The following SGCZ variants were observed in gnomAD, a reference collection of about 807,000 sequenced individuals.
The protein encoded by SGCZ is sarcoglycan zeta.
SGCZ carries 40 observed loss-of-function variants against 41.3 expected under a neutral mutation model. The observed-to-expected ratio is 0.97, with a 90% CI of 0.75 to 1.26. SGCZ has a LOEUF of 1.26. Among genes scored for constraint, SGCZ ranks in the 50% most tolerant of loss-of-function variants. The pLI, the probability that SGCZ is intolerant of heterozygous loss-of-function variation, is 0.00. For missense variants in SGCZ, 552 were observed against 369.8 expected (o/e 1.49, Z -4.04); for synonymous variants, 206 against 137.5 (o/e 1.50, Z -3.49).
chr8:15,219,067 G>A (rs1208286943), intron 1 of SGCZ, among the ~76,000 whole-genome samples: 2 of 152,126 alleles, frequency 1.3e-5, no homozygotes, highest in Non-Finnish European at 2.9e-5. Context: ...CCACGATTAG[G>A]AAGATAAAGA....
chr8:14,643,851 C>T (rs571875985), intron 1 of SGCZ, among the ~76,000 whole-genome samples: 6 of 151,582 alleles, frequency 4.0e-5, no homozygotes, highest in Non-Finnish European at 8.9e-5. Flanking sequence ...CACAGCTTAA[C>T]GTGCTGAATA....
At chr8:14,512,049 C>T (rs937473422) in intron 2 of SGCZ, among the ~76,000 whole-genome samples, 3 of 152,118 alleles carry the variant, frequency 2.0e-5, no homozygotes, top group African/African-American at 7.2e-5. Context: ...ATTTTCTAGA[C>T]TATCAAATAT....
intron 1 of SGCZ, among the ~76,000 whole-genome samples, chr8:14,654,224 A>T (rs923631892): frequency 1.3e-5 from 2 of 148,912 alleles, no homozygotes; most frequent in Middle Eastern, 3.5e-3. Context: ...GACAAATTAT[A>T]CAGAGAAATT....
At chr8:14,900,068 T>G (rs1298098583) in intron 1 of SGCZ, among the ~76,000 whole-genome samples, 1 of 152,106 alleles carries the variant, frequency 6.6e-6, no homozygotes, top group East Asian at 1.9e-4. Context: ...GGATATTTTA[T>G]AAATATAATA....
At chr8:15,027,288 G>A (rs1199022704) in intron 1 of SGCZ, among the ~76,000 whole-genome samples, 2 of 152,084 alleles carry the variant, frequency 1.3e-5, no homozygotes, top group African/African-American at 2.4e-5. Context: ...ACATTGTTTT[G>A]CTATGGAATC....
intron 1 of SGCZ, among the ~76,000 whole-genome samples, chr8:14,832,043 TAACA>T (rs1802551652): frequency 6.6e-6 from 1 of 152,124 alleles, no homozygotes; most frequent in South Asian, 2.1e-4. Context: ...AGAAACAGAT[TAACA>T]AACAGAAAGC....
intron 2 of SGCZ, among the ~76,000 whole-genome samples, chr8:14,364,444 G>A (rs929086359): frequency 6.6e-6 from 1 of 152,068 alleles, no homozygotes; most frequent in Non-Finnish European, 1.5e-5. Context: ...TGATCTGCAA[G>A]ACAGCACTGC....
chr8:14,200,540 A>G (rs1309933772), intron 4 of SGCZ, among the ~76,000 whole-genome samples: 1 of 152,326 alleles, frequency 6.6e-6, no homozygotes, highest in African/African-American at 2.4e-5. Context: ...GCCCAGTATG[A>G]GACCTGAACA....
intron 1 of SGCZ, among the ~76,000 whole-genome samples, chr8:15,017,885 TC>T (rs2130937405): frequency 6.6e-6 from 1 of 152,212 alleles, no homozygotes; most frequent in East Asian, 1.9e-4. Context: ...AATGCTCTTA[TC>T]TCTTTGCAAT....
chr8:14,715,493 C>A, intron 1 of SGCZ, among the ~76,000 whole-genome samples: 1 of 151,722 alleles, frequency 6.6e-6, no homozygotes, highest in Admixed American at 6.6e-5. Context: ...TAACAAAAAA[C>A]TAGAGCCCAA....
intron 5 of SGCZ, among the ~76,000 whole-genome samples, chr8:14,115,475 T>C (rs1198530333): frequency 6.6e-6 from 1 of 151,972 alleles, no homozygotes; most frequent in South Asian, 2.1e-4. Context: ...ATGATGAAAC[T>C]GAGAAGATTA....
intron 3 of SGCZ, among the ~76,000 whole-genome samples, chr8:14,251,898 C>T (rs891857093): frequency 1.6e-4 from 24 of 151,970 alleles, no homozygotes; most frequent in African/African-American, 2.9e-4. Flanking sequence ...TTAGTAGAGA[C>T]GGGGTTTTGC....
In SGCZ at chr8:15,237,755, C is replaced by A; in HGVS notation, c.-132G>T. On this transcript the variant is annotated 5_prime_UTR_variant, in exon 1 of 8. Coordinates refer to ENST00000382080, the MANE Select transcript of SGCZ (RefSeq NM_139167.4). ...GGCAGCTCCTCTCAGTCTCATTCTC[C>A]GTGGTCACGCCGCCTCCACCGGGTT... is the stretch of plus-strand genomic sequence containing the variant. 1 of 800,490 alleles carries A rather than the reference C, an allele frequency of 1.2e-6. No individual in the cohort carries two copies. Among genetic ancestry groups the A allele is most frequent in the South Asian group, 1.7e-5 (1 of 59,328 alleles). The allele number at this position is 800,490 out of a possible 1,614,324, so 49.6% of individuals were successfully genotyped here.
At chr8:14,094,315 C>G (rs1351427087) in intron 7 of SGCZ, among the ~76,000 whole-genome samples, 1 of 151,848 alleles carries the variant, frequency 6.6e-6, no homozygotes, top group Admixed American at 6.6e-5. Context: ...AGAGAGGACC[C>G]AGATGTGATA....
chr8:14,827,696 C>G (rs927974277), intron 1 of SGCZ, among the ~76,000 whole-genome samples: 8 of 152,100 alleles, frequency 5.3e-5, no homozygotes, highest in Non-Finnish European at 1.0e-4. Flanking sequence ...TACTATCTAG[C>G]CCTTTACAGA....
chr8:14,404,973 G>A (rs577716462), intron 2 of SGCZ, among the ~76,000 whole-genome samples: 2 of 152,274 alleles, frequency 1.3e-5, no homozygotes, highest in South Asian at 4.1e-4. Context: ...TGCAGATCTG[G>A]CCAGGTGGCC....
At chr8:15,035,627 G>C (rs1190585967) in intron 1 of SGCZ, among the ~76,000 whole-genome samples, 3 of 151,944 alleles carry the variant, frequency 2.0e-5, no homozygotes, top group Admixed American at 2.0e-4. Context: ...AGGACACACA[G>C]ACTAAAGTAA....
At chr8:15,193,078 T>G (rs776483774) in intron 1 of SGCZ, among the ~76,000 whole-genome samples, 3 of 152,024 alleles carry the variant, frequency 2.0e-5, no homozygotes, top group African/African-American at 2.4e-5. Context: ...AGGGTATAGT[T>G]GTCTGGAATT....
chr8:14,419,573 A>G (rs2117301446), intron 2 of SGCZ, among the ~76,000 whole-genome samples: 1 of 152,102 alleles, frequency 6.6e-6, no homozygotes, highest in African/African-American at 2.4e-5. Context: ...GTAAACATTT[A>G]TATCTATCCT....
Sources: allele counts gnomAD v4.1 joint callset (sites outside exome capture counted in the v4.1 genomes callset), GRCh38; gene constraint gnomAD v4.1.1; transcripts MANE v1.5; gene names NCBI Gene and HGNC (gene_info 2026-07-23, HGNC 2026-07-21).